CNTNAP3B: variants seen among roughly 807,000 people sequenced by gnomAD.
CNTNAP3B encodes the protein contactin associated protein family member 3B, also known as contactin-associated protein-like 3B.
Under a neutral mutation model 108.9 loss-of-function variants are expected in CNTNAP3B, and 25 were observed. The ratio of observed to expected loss-of-function variants is 0.23; its 90% CI spans 0.17 to 0.32. The LOEUF (loss-of-function observed/expected upper bound fraction) is 0.32. CNTNAP3B is among the 10% of genes least tolerant of loss of function. The pLI, the probability that CNTNAP3B is intolerant of heterozygous loss-of-function variation, is 1.00. For synonymous variants in CNTNAP3B, 103 were observed against 473.4 expected (o/e 0.22, Z 10.16); for missense variants, 252 against 1,210.4 (o/e 0.21, Z 11.75).
intron 3 of CNTNAP3B, among the ~76,000 whole-genome samples, chr9:42,033,111 T>C (rs1413593109): frequency 2.9e-5 from 4 of 137,944 alleles, no homozygotes; most frequent in Non-Finnish European, 6.2e-5. Context: ...AACTAAGTAC[T>C]GTGTCTATAA....
In CNTNAP3B at chr9:42,125,671, T is replaced by A. The variant is rs1397387415; in HGVS notation, c.85+3339A>T. Among the ~76,000 whole-genome samples, 13 of 131,796 alleles carry A rather than the reference T, an allele frequency of 9.9e-5. 3 individuals carry two copies. Among genetic ancestry groups the A allele is most frequent in the Non-Finnish European group, 2.1e-4 (13 of 62,140 alleles). 86.5% of individuals were successfully genotyped at this position (131,796 alleles called of 152,430 possible). A position where few individuals can be genotyped will look rare whatever the true frequency, so the allele number is the denominator to read the frequency against. ...CATGTGAACTACATTTTTTGTTTTTTTTTTTTTGTTTTTTTTTGAGACAGA... is the reference window on the plus strand; with the variant it reads ...CATGTGAACTACATTTTTTGTTTTTATTTTTTTGTTTTTTTTTGAGACAGA... On this transcript the variant is annotated intron_variant, in intron 1 of 23. Coordinates refer to ENST00000377561, the MANE Select transcript of CNTNAP3B (RefSeq NM_001201380.3).
intron 15 of CNTNAP3B, among the ~76,000 whole-genome samples, chr9:41,925,921 TG>T (rs1823805880): frequency 1.3e-5 from 2 of 152,236 alleles, no homozygotes. Flanking sequence ...TGACAGAAAA[TG>T]GTGTTTAGAA....
In CNTNAP3B at chr9:42,129,180, G is replaced by A. The variant is rs1185356285; in HGVS notation, c.-86C>T. The A allele has an allele frequency of 2.0e-6, 3 of 1,475,118 alleles. No homozygotes were observed. In the Admixed American group the frequency reaches 6.3e-5, roughly 31 times the overall value. The allele number at this position is 1,475,118 out of a possible 1,614,324, so 91.4% of individuals were successfully genotyped here. On this transcript the variant is annotated 5_prime_UTR_variant, in exon 1 of 24. It adds an upstream start codon to the 5' untranslated region. Coordinates refer to ENST00000377561, the MANE Select transcript of CNTNAP3B (RefSeq NM_001201380.3). ...TGCTCTCACTCCCGCTCTCACTCCC[G>A]TCCCCTGCGCGGCTCCGACGCTGCT...
chr9:42,119,433 C>G (rs1450885442), intron 1 of CNTNAP3B, among the ~76,000 whole-genome samples: 8 of 130,550 alleles, frequency 6.1e-5, no homozygotes, highest in Non-Finnish European at 9.7e-5. Context: ...CAATGCCATC[C>G]CCATCAAGCT....
rs1259717814 is a variant in CNTNAP3B, at chr9:42,129,053, A to G, written c.42T>C (p.Leu14=). The G allele has an allele frequency of 6.3e-7, 1 of 1,590,322 alleles. No individual in the cohort carries two copies. Among genetic ancestry groups the G allele is most frequent in the East Asian group, 2.3e-5 (1 of 43,868 alleles). The change falls in exon 1 of 24, where the codon CTT becomes CTC. Residue 14 remains leucine, a synonymous_variant. Coordinates refer to ENST00000377561, the MANE Select transcript of CNTNAP3B (RefSeq NM_001201380.3). ...CGGGGCTCCAAGTCTGAGTGGGGAG[A>G]AGCAGCAGCACCTTGAGGACGGCCC... ...VAWAVLKVLL[L]LPTQTWSPVG...
intron 17 of CNTNAP3B, among the ~76,000 whole-genome samples, chr9:41,920,993 C>CA (rs2117944398): frequency 6.6e-6 from 1 of 152,422 alleles, no homozygotes; most frequent in East Asian, 1.9e-4. Context: ...TGTGTAGTGA[C>CA]AAACACCATT....
intron 14 of CNTNAP3B, among the ~76,000 whole-genome samples, chr9:41,932,884 C>G (rs1183679308): frequency 2.0e-5 from 3 of 152,260 alleles, no homozygotes; most frequent in Non-Finnish European, 4.4e-5. Context: ...CCACATCTAA[C>G]CCACTTAAAA....
At chr9:41,934,106 T>TATATATATATATATATATATATAG (rs1824069000) in intron 14 of CNTNAP3B, among the ~76,000 whole-genome samples, 1 of 132,418 alleles carries the variant, frequency 7.6e-6, no homozygotes, top group Non-Finnish European at 1.6e-5. Flanking sequence ...GTTACATATA[T>TATATATATATATATATATATATAG]ATATATATAT....
intron 3 of CNTNAP3B, among the ~76,000 whole-genome samples, chr9:42,019,643 C>T (rs1826273022): frequency 6.7e-6 from 1 of 149,496 alleles, no homozygotes; most frequent in African/African-American, 2.5e-5. Flanking sequence ...CCCCTGTAGT[C>T]CCAGCTACTC....
At chr9:41,967,272 G>A (rs1378837396) in intron 10 of CNTNAP3B, among the ~76,000 whole-genome samples, 2 of 152,274 alleles carry the variant, frequency 1.3e-5, no homozygotes, top group African/African-American at 4.8e-5. Flanking sequence ...GAATCATGCA[G>A]GCAGATCTTT....
rs533500413 is a variant in CNTNAP3B at position 42,099,054 on chromosome 9, AC to A, written c.196+5574del. The stretch of plus-strand genomic sequence containing the variant: ...TTTACTCTTTTCCTAAGAAATCAGT[AC>A]CTGAGCTTTTTCAAAATAACTGGAG... On this transcript the variant is annotated intron_variant, in intron 2 of 23. Coordinates refer to ENST00000377561, the MANE Select transcript of CNTNAP3B (RefSeq NM_001201380.3). Among the ~76,000 whole-genome samples, 34 of 138,784 alleles carry A rather than the reference AC, an allele frequency of 2.4e-4. 4 individuals carry two copies. The highest frequency in any genetic ancestry group is 9.4e-4 in the African/African-American group (33 of 35,000). 91.0% of individuals were successfully genotyped at this position (138,784 alleles called of 152,430 possible). A position where few individuals can be genotyped will look rare whatever the true frequency, so the allele number is the denominator to read the frequency against.
At chr9:42,001,329 G>A (rs1225788801) in intron 4 of CNTNAP3B, among the ~76,000 whole-genome samples, 11 of 121,786 alleles carry the variant, frequency 9.0e-5, no homozygotes, top group Admixed American at 2.5e-4. Flanking sequence ...TGGGAGGATC[G>A]CTTGAGCTCG....
intron 15 of CNTNAP3B, among the ~76,000 whole-genome samples, chr9:41,925,527 A>G (rs1823792381): frequency 6.6e-6 from 1 of 152,284 alleles, no homozygotes; most frequent in African/African-American, 2.4e-5. Flanking sequence ...CGGGAGGCGG[A>G]GCTTGCAGTG....
chr9:42,086,799 A>G (rs1368242812), intron 2 of CNTNAP3B, among the ~76,000 whole-genome samples: 2 of 109,704 alleles, frequency 1.8e-5, no homozygotes, highest in African/African-American at 7.4e-5. Context: ...TGGAATTGCT[A>G]GGTTATATGG....
At chr9:42,093,269 C>T (rs1827837796) in intron 2 of CNTNAP3B, among the ~76,000 whole-genome samples, 1 of 95,132 alleles carries the variant, frequency 1.1e-5, no homozygotes, top group African/African-American at 3.9e-5. Flanking sequence ...AGCTTGAACC[C>T]AGGAAGCGGA....
At chr9:42,030,927 G>T (rs1465200964) in intron 3 of CNTNAP3B, among the ~76,000 whole-genome samples, 2 of 111,520 alleles carry the variant, frequency 1.8e-5, no homozygotes, top group Non-Finnish European at 3.7e-5. Context: ...AAGGCCCAAG[G>T]ATCTCTCAGA....
intron 3 of CNTNAP3B, among the ~76,000 whole-genome samples, chr9:42,053,382 T>A (rs2118547000): frequency 7.5e-6 from 1 of 133,936 alleles, no homozygotes; most frequent in South Asian, 2.4e-4. Context: ...ATTGATGTCA[T>A]ATGTATAATT....
At chr9:41,948,311 C>T (rs958656298) in intron 13 of CNTNAP3B, among the ~76,000 whole-genome samples, 9 of 152,044 alleles carry the variant, frequency 5.9e-5, no homozygotes, top group South Asian at 2.1e-4. Context: ...AGGCAGGTCT[C>T]GAACTCCTGA....
chr9:42,054,674 A>G (rs867697575), intron 3 of CNTNAP3B, among the ~76,000 whole-genome samples: 4 of 150,260 alleles, frequency 2.7e-5, no homozygotes, highest in South Asian at 2.1e-4. Context: ...TAAACATGGG[A>G]AAAAAAGACT....
Sources: allele counts gnomAD v4.1 joint callset (sites outside exome capture counted in the v4.1 genomes callset), GRCh38; gene constraint gnomAD v4.1.1; transcripts MANE v1.5; gene names NCBI Gene and HGNC (gene_info 2026-07-23, HGNC 2026-07-21).